Variants in RECK observed in about 807,000 individuals in gnomAD.
The protein encoded by RECK is reversion inducing cysteine rich protein with kazal motifs, also known as reversion-inducing cysteine-rich protein with Kazal motifs.
In RECK, 69 loss-of-function variants were observed where a neutral mutation model predicts 115.1. The observed-to-expected ratio is 0.60, with a 90% CI of 0.49 to 0.73. The LOEUF (loss-of-function observed/expected upper bound fraction) is 0.73. RECK is among the 30% of genes least tolerant of loss of function. The probability of loss-of-function intolerance (pLI) is 0.00; values close to 1 mark genes in which losing one functional copy is unlikely to be tolerated. For missense variants in RECK, 1,047 were observed against 1,203.7 expected, an observed-to-expected ratio of 0.87 and a Z score of 1.93; for synonymous variants, 414 against 419.7, an observed-to-expected ratio of 0.99 and a Z score of 0.17.
At chr9:36,093,893 T>C (rs1823248701) in intron 10 of RECK, among the ~76,000 whole-genome samples, 3 of 151,760 alleles carry the variant, frequency 2.0e-5, no homozygotes. Flanking sequence ...GGAATAACAA[T>C]AAAAATGACA....
rs1424446240 is a variant in RECK at position 36,123,321 on chromosome 9, G to A, written c.*276G>A. 1 of 334,116 alleles carries A rather than the reference G, an allele frequency of 3.0e-6. No individual in the cohort carries two copies. Among genetic ancestry groups the A allele is most frequent in the Non-Finnish European group, 5.4e-6 (1 of 183,694 alleles). The allele number at this position is 334,116 out of a possible 1,614,324, so 20.7% of individuals were successfully genotyped here. ...TGATTTACATTTCCTCACCATAAGGGTCCCCCACTCTAAAGCAAATTTATC... is the reference window on the plus strand; with the variant it reads ...TGATTTACATTTCCTCACCATAAGGATCCCCCACTCTAAAGCAAATTTATC... On this transcript the variant is annotated 3_prime_UTR_variant, in exon 21 of 21. Transcript: ENST00000377966.
Position 36,120,673 on chromosome 9 carries a change from C to A in RECK, c.2475C>A (p.Cys825Ter). 6.2e-7 allele frequency: 1 copy of A among 1,612,452 alleles called. No individual in the cohort carries two copies. The highest frequency in any genetic ancestry group is 8.5e-7 in the Non-Finnish European group (1 of 1,178,632). The change falls in exon 19 of 21, where the codon TGC becomes TGA. Residue 825 changes from cysteine (C) to a stop codon, truncating the protein, a stop_gained. Transcript: ENST00000377966. LOFTEE classifies it high-confidence loss of function. Reference protein sequence around the residue: ...CKPIIPPGACCPLCAGMLRVL... With the variant: ...CKPIIPPGAC ...GTTTCTGTTATACAGGTGCTTGTTG[C>A]CCATTATGTGCTGGGATGTTAAGAG...
At chr9:36,101,916 G>A (rs559522970) in intron 11 of RECK, among the ~76,000 whole-genome samples, 178 bp from the exon 12 acceptor site, 30 of 152,344 alleles carry the variant, frequency 2.0e-4, no homozygotes, top group Middle Eastern at 3.4e-3. Flanking sequence ...ACAACAGAAA[G>A]TTAGGGGTGC....
rs769615023 is a variant in RECK, at chr9:36,122,955, G to T, written c.2826G>T (p.Ser942=). 4 of 1,614,110 alleles carry T rather than the reference G, an allele frequency of 2.5e-6. No individual in the cohort carries two copies. Among genetic ancestry groups the T allele is most frequent in the Non-Finnish European group, 3.4e-6 (4 of 1,180,040 alleles). The change falls in exon 21 of 21, where the codon TCG becomes TCT. Residue 942 remains serine (S), a synonymous_variant. Coordinates refer to ENST00000377966, the MANE Select transcript of RECK (RefSeq NM_021111.3). The part of the protein sequence containing the change: ...SQVQVSSSVP[S]AGVRARPSCH... ...TACAGGTCTCCAGCAGTGTGCCATC[G>T]GCCGGTGTCAGGGCCAGGCCTTCTT...
chr9:36,091,435 G>T, intron 10 of RECK, 92 bp downstream of exon 10: 1 of 998,890 alleles, frequency 1.0e-6, no homozygotes, highest in South Asian at 2.3e-5. Context: ...ATTCCTGTTG[G>T]GTTAAAAGAA....
chr9:36,083,309 T>C (rs1822802662), intron 7 of RECK, 56 bp from the exon 8 acceptor site: 9 of 1,516,034 alleles, frequency 5.9e-6, no homozygotes, highest in Non-Finnish European at 3.6e-6. Flanking sequence ...TGATGATGAT[T>C]TAATGTTAAC....
At chr9:36,118,651 T>G (rs1040967058) in intron 17 of RECK, 106 bp from the exon 18 acceptor site, 13 of 1,059,624 alleles carry the variant, frequency 1.2e-5, no homozygotes, top group Admixed American at 1.2e-4. Flanking sequence ...AATTTATACC[T>G]GTGTCTTTTT....
At chr9:36,051,082 A>T (rs2132561650) in intron 1 of RECK, among the ~76,000 whole-genome samples, 1 of 152,278 alleles carries the variant, frequency 6.6e-6, no homozygotes, top group East Asian at 1.9e-4. Context: ...GAACAGACTT[A>T]TGTTTTTTTG....
At chr9:36,090,371 G>A (rs896525027) in intron 9 of RECK, among the ~76,000 whole-genome samples, 1 of 152,038 alleles carries the variant, frequency 6.6e-6, no homozygotes, top group African/African-American at 2.4e-5. Flanking sequence ...TTGGTGGGGT[G>A]AATGAACAAA....
At chr9:36,056,238 C>T (rs575447085) in intron 2 of RECK, among the ~76,000 whole-genome samples, 1 of 130,948 alleles carries the variant, frequency 7.6e-6, no homozygotes, top group South Asian at 2.5e-4. Flanking sequence ...AATGATATGT[C>T]ATTTAAAAAA....
chr9:36,060,790 C>T (rs750395463), intron 4 of RECK, among the ~76,000 whole-genome samples: 2 of 152,112 alleles, frequency 1.3e-5, no homozygotes, highest in African/African-American at 2.4e-5. Context: ...GAAGGTGACT[C>T]TCAAATCTAA....
intron 2 of RECK, among the ~76,000 whole-genome samples, chr9:36,056,053 GT>G (rs1290247903): frequency 6.6e-6 from 1 of 151,416 alleles, no homozygotes; most frequent in African/African-American, 2.4e-5. Context: ...ATATACAAAG[GT>G]AGAGAGAAAA....
intron 16 of RECK, among the ~76,000 whole-genome samples, chr9:36,112,804 A>G (rs1409747035): frequency 6.6e-6 from 1 of 152,226 alleles, no homozygotes; most frequent in Non-Finnish European, 1.5e-5. Context: ...AAGGCAGACT[A>G]ACAAGAGTCA....
At chr9:36,073,522 G>A (rs568982675) in intron 6 of RECK, among the ~76,000 whole-genome samples, 2 of 152,120 alleles carry the variant, frequency 1.3e-5, no homozygotes, top group African/African-American at 4.8e-5. Flanking sequence ...CCACTTTTCT[G>A]GATACCTATA....
rs71508008 is a variant in RECK, at chr9:36,082,152, T to TTCTCTCTCTCTCTCTCTCTCTC, written c.440-1198_440-1177dup. Reference sequence around the variant, plus strand: ...AATTATCAAGAATTTCCTCCCTGCTTTCTCTCTCTCTCTCTCTCTCTCTCT... The same window carrying TTCTCTCTCTCTCTCTCTCTCTC: ...AATTATCAAGAATTTCCTCCCTGCTTTCTCTCTCTCTCTCTCTCTCTCTCTCTCTCTCTCTCTCTCTCTCTCT... On this transcript the variant is annotated intron_variant, in intron 7 of 20. Transcript: ENST00000377966. Among the ~76,000 whole-genome samples the TTCTCTCTCTCTCTCTCTCTCTC allele has an allele frequency of 1.1e-3, 124 of 113,698 alleles. 4 individuals are homozygous for TTCTCTCTCTCTCTCTCTCTCTC. The highest frequency in any genetic ancestry group is 6.4e-3 in the East Asian group (19 of 2,982). The allele number at this position is 113,698 out of a possible 152,430, so 74.6% of individuals were successfully genotyped here. A position where few individuals can be genotyped will look rare whatever the true frequency, so the allele number is the denominator to read the frequency against.
At chr9:36,104,292 G>GTGTATA (rs34438663) in intron 12 of RECK, among the ~76,000 whole-genome samples, 316 of 43,744 alleles carry the variant, frequency 7.2e-3, no homozygotes, top group African/African-American at 0.011. Context: ...GTGTGTGTGT[G>GTGTATA]TATATATATA....
chr9:36,104,292 GTA>G (rs11273343), intron 12 of RECK, among the ~76,000 whole-genome samples: 652 of 43,836 alleles, frequency 0.015, 6 homozygotes, highest in African/African-American at 0.035. Flanking sequence ...GTGTGTGTGT[GTA>G]TATATATATA....
At chr9:36,122,573 G>C (rs1215301508) in intron 20 of RECK, among the ~76,000 whole-genome samples, 1 of 152,146 alleles carries the variant, frequency 6.6e-6, no homozygotes, top group African/African-American at 2.4e-5. Flanking sequence ...CAGAGTGCTA[G>C]GATTACAGGC....
At chr9:36,115,859 T>C (rs1460348747) in intron 16 of RECK, among the ~76,000 whole-genome samples, 1 of 152,170 alleles carries the variant, frequency 6.6e-6, no homozygotes, top group African/African-American at 2.4e-5. Context: ...AAGCTAAACA[T>C]TTTCATGGGT....
Sources: allele counts gnomAD v4.1 joint callset (sites outside exome capture counted in the v4.1 genomes callset), GRCh38; gene constraint gnomAD v4.1.1; transcripts MANE v1.5; gene names NCBI Gene and HGNC (gene_info 2026-07-23, HGNC 2026-07-21).